Variants in PRG4 observed in about 807,000 individuals in gnomAD.
PRG4 encodes proteoglycan 4, also known as articular superficial zone protein.
PRG4 carries 61 observed loss-of-function variants against 91.2 expected under a neutral mutation model. The observed-to-expected ratio is 0.67, with a 90% CI of 0.54 to 0.83. The LOEUF (loss-of-function observed/expected upper bound fraction) is 0.83, where lower values mean the gene tolerates loss of function less well. Among genes scored for constraint, PRG4 ranks in the 40% least tolerant of loss-of-function variants. PRG4 has a pLI of 0.00. For synonymous variants in PRG4, 576 were observed against 614.2 expected (o/e 0.94, Z 0.92); for missense variants, 1,564 against 1,714.2 (o/e 0.91, Z 1.55).
In PRG4 at chr1:186,308,369, C is replaced by A. The variant is rs1240630362; in HGVS notation, c.2650C>A (p.Pro884Thr). 3 of 1,613,826 alleles carry A rather than the reference C, an allele frequency of 1.9e-6. No individual in the cohort carries two copies. Among genetic ancestry groups the A allele is most frequent in the Admixed American group, 1.7e-5 (1 of 60,004 alleles). ...ATCAACTCCTGAGCTTTCTGCAGAA[C>A]CCACACCAAAAGCTCTTGAAAACAG... is the stretch of plus-strand genomic sequence containing the variant. ...DESTPELSAE[P>T]TPKALENSPK... The change falls in exon 7 of 13, where the codon CCC (proline) becomes ACC (threonine). Residue 884 changes from proline (P) to threonine (T), a missense_variant. Pro to Thr is a conservative substitution (Grantham distance 38). Transcript: ENST00000445192.
At chr1:186,310,137 G>GC (rs1047456840) in intron 8 of PRG4, among the ~76,000 whole-genome samples, 3 of 90,868 alleles carry the variant, frequency 3.3e-5, no homozygotes, top group African/African-American at 1.1e-4. Context: ...ATTTTTTTTG[G>GC]GGGGGGGGGG....
intron 3 of PRG4, among the ~76,000 whole-genome samples, chr1:186,300,771 A>ATC (rs1656164422): frequency 6.6e-6 from 1 of 152,242 alleles, no homozygotes; most frequent in Non-Finnish European, 1.5e-5. Flanking sequence ...TGAATTTTAA[A>ATC]TTATGAGTGG....
chr1:186,301,016 T>A (rs938779817), intron 3 of PRG4, among the ~76,000 whole-genome samples: 6 of 152,194 alleles, frequency 3.9e-5, no homozygotes, highest in Non-Finnish European at 7.3e-5. Flanking sequence ...ATTTTTTAAA[T>A]GAGTAGTCCT....
At position 186,309,014 on chromosome 1, in the gene PRG4, G is replaced by A. The variant is rs753226691; in HGVS notation, c.3295G>A (p.Gly1099Ser). Residue 1099 changes from glycine (G) to serine (S), a missense_variant, in exon 7 of 13, where the codon GGT becomes AGT. By Grantham distance (56) the Gly-to-Ser change is moderately conservative. Coordinates refer to ENST00000445192, the MANE Select transcript of PRG4 (RefSeq NM_005807.6). ...EVNPKSEDAG[G>S]AEGETPHMLL... ...AAATCCAAAGAGTGAAGATGCAGGT[G>A]GTGCTGAAGGAGAAACACCTCATAT... The A allele has an allele frequency of 1.2e-6, 2 of 1,611,016 alleles. No homozygotes were observed. Among genetic ancestry groups the A allele is most frequent in the East Asian group, 4.5e-5 (2 of 44,842 alleles).
At chr1:186,301,833 C>A (rs1656238649) in intron 4 of PRG4, 122 bp downstream of exon 4, 6 of 1,337,544 alleles carry the variant, frequency 4.5e-6, no homozygotes, top group Non-Finnish European at 6.4e-6. Flanking sequence ...AACATATAAG[C>A]TATTTCATAA....
chr1:186,310,583 A>G (rs952481453), intron 8 of PRG4, among the ~76,000 whole-genome samples: 1 of 152,018 alleles, frequency 6.6e-6, no homozygotes, highest in African/African-American at 2.4e-5. Context: ...CCTGGGCCCA[A>G]GTGATCCTCC....
In PRG4 at chr1:186,307,398, C is replaced by A. The variant is rs778552139; in HGVS notation, c.1679C>A (p.Pro560His). The A allele has an allele frequency of 7.5e-6, 12 of 1,599,218 alleles. No individual in the cohort carries two copies. Among genetic ancestry groups the A allele is most frequent in the Non-Finnish European group, 1.0e-5 (12 of 1,175,510 alleles). ...KEPSPTTTKE[P>H]APTTPKEPAP... ...CCTTCACCCACCACCACCAAGGAGC[C>A]TGCACCCACCACTCCCAAGGAGCCT... is the stretch of plus-strand genomic sequence containing the variant. The change falls in exon 7 of 13, where the codon CCT (proline) becomes CAT (histidine). Residue 560 changes from proline (P) to histidine (H), a missense_variant. Physicochemically the swap from Pro to His is moderately conservative, Grantham distance 77. Coordinates refer to ENST00000445192, the MANE Select transcript of PRG4 (RefSeq NM_005807.6).
Position 186,311,192 on chromosome 1 carries a change from G to A in PRG4, c.3636+22G>A, listed in dbSNP as rs775746291. 10 of 1,595,514 alleles carry A rather than the reference G, an allele frequency of 6.3e-6. No homozygotes were observed. In the African/African-American group the frequency reaches 1.1e-4, roughly 17 times the overall value. ...TAAGGTAACACAAATATCTTTGTGAGAGAAATTTAATAATAATTTGTAACT... is the reference window on the plus strand; with the variant it reads ...TAAGGTAACACAAATATCTTTGTGAAAGAAATTTAATAATAATTTGTAACT... On this transcript the variant is annotated intron_variant, in intron 9 of 12. Coordinates refer to ENST00000445192, the MANE Select transcript of PRG4 (RefSeq NM_005807.6).
chr1:186,301,955 A>G (rs1254925021), intron 4 of PRG4, among the ~76,000 whole-genome samples: 1 of 152,186 alleles, frequency 6.6e-6, no homozygotes, highest in Non-Finnish European at 1.5e-5. Context: ...GGGAACATAG[A>G]GGATGAGGCT....
chr1:186,304,842 C>A lies in PRG4; in HGVS notation c.518C>A (p.Ser173Tyr), dbSNP rs768986143. The A allele has an allele frequency of 5.0e-6, 8 of 1,612,394 alleles. No homozygotes were observed. The highest frequency in any genetic ancestry group is 6.8e-6 in the Non-Finnish European group (8 of 1,178,726). The part of the protein sequence containing the change: ...NQESSSSSSS[S>Y]SSSSTIRKIK... ...GAGTCCTCCTCCTCCTCCTCCTCTT[C>A]CTCTTCTTCTTCAACAATTCGGAAA... Residue 173 changes from serine (S) to tyrosine (Y), a missense_variant, in exon 6 of 13, where the codon TCC becomes TAC. Coordinates refer to ENST00000445192, the MANE Select transcript of PRG4 (RefSeq NM_005807.6).
rs1571553065 is a variant in PRG4, at chr1:186,301,449, A to G, written c.200-143A>G. The G allele has an allele frequency of 3.3e-6, 4 of 1,207,336 alleles. No individual in the cohort carries two copies. The East Asian group carries it at 7.8e-5, about 23-fold the overall frequency. The allele number at this position is 1,207,336 out of a possible 1,614,324, so 74.8% of individuals were successfully genotyped here. ...TGGGATACCATCTAATTTTTCCTGG[A>G]TGATGTACTCCAAATTTCAAATAAA... On this transcript the variant is annotated intron_variant, in intron 3 of 12. Coordinates refer to ENST00000445192, the MANE Select transcript of PRG4 (RefSeq NM_005807.6).
chr1:186,296,391 A>G (rs1356471871), intron 1 of PRG4, 98 bp downstream of exon 1: 1 of 154,538 alleles, frequency 6.5e-6, no homozygotes, highest in Non-Finnish European at 1.4e-5. Flanking sequence ...AAATTTTTGA[A>G]AAGGATTATG....
rs1263581250 is a variant in PRG4, at chr1:186,313,707, A to G, written c.4144A>G (p.Ser1382Gly). ...TCAATACTATAACATTGATGTGCCT[A>G]GTAGAACAGCAAGAGCAATTACTAC... The part of the protein sequence containing the change: ...KDQYYNIDVP[S>G]RTARAITTRS... The change falls in exon 13 of 13, where the codon AGT (serine) becomes GGT (glycine). Residue 1382 changes from serine to glycine, a missense_variant. Coordinates refer to ENST00000445192, the MANE Select transcript of PRG4 (RefSeq NM_005807.6). 5 of 1,607,078 alleles carry G rather than the reference A, an allele frequency of 3.1e-6. No individual in the cohort carries two copies. Among genetic ancestry groups the G allele is most frequent in the Non-Finnish European group, 4.3e-6 (5 of 1,173,724 alleles).
At position 186,308,963 on chromosome 1, in the gene PRG4, A is replaced by G; in HGVS notation, c.3244A>G (p.Thr1082Ala). 1 of 1,606,134 alleles carries G rather than the reference A, an allele frequency of 6.2e-7. No homozygotes were observed. The highest frequency in any genetic ancestry group is 8.5e-7 in the Non-Finnish European group (1 of 1,176,272). ...MLQTTTRPNQ[T>A]PNSKLVEVNP... is the part of the protein sequence containing the mutation. ...CCAAACCACCACCAGACCTAACCAAACTCCAAACTCCAAACTAGTTGAAGT... is the reference window on the plus strand; with the variant it reads ...CCAAACCACCACCAGACCTAACCAAGCTCCAAACTCCAAACTAGTTGAAGT... The change falls in exon 7 of 13, where the codon ACT becomes GCT. Residue 1082 changes from threonine to alanine, a missense_variant. Transcript: ENST00000445192.
rs550867631 is a variant in PRG4, at chr1:186,314,201, A to G, written c.*423A>G. 1.8e-6 allele frequency: 1 copy of G among 566,760 alleles called. No homozygotes were observed. Among genetic ancestry groups the G allele is most frequent in the Non-Finnish European group, 3.0e-6 (1 of 332,456 alleles). The allele number at this position is 566,760 out of a possible 1,614,324, so 35.1% of individuals were successfully genotyped here. A position where few individuals can be genotyped will look rare whatever the true frequency, so the allele number is the denominator to read the frequency against. ...GCAGATTAATCCCTCTTTTTGTGAC[A>G]CAAGTACAATCTAAAAGTTATATTG... On this transcript the variant is annotated 3_prime_UTR_variant, in exon 13 of 13. Coordinates refer to ENST00000445192, the MANE Select transcript of PRG4 (RefSeq NM_005807.6).
chr1:186,308,319 C>A lies in PRG4; in HGVS notation c.2600C>A (p.Thr867Asn). The A allele has an allele frequency of 6.2e-7, 1 of 1,614,008 alleles. No homozygotes were observed. The highest frequency in any genetic ancestry group is 2.2e-5 in the East Asian group (1 of 44,882). Residue 867 changes from threonine to asparagine, a missense_variant, in exon 7 of 13, where the codon ACC (threonine) becomes AAC (asparagine). By Grantham distance (65) the Thr-to-Asn change is moderately conservative (BLOSUM62 0). Around this residue, in one of 3 missense-constraint regions of PRG4, gnomAD observed 1,079 missense variants for 1,162.2 expected, o/e 0.93. Transcript: ENST00000445192. ...VSTPTTTKEP[T>N]TIHKSPDEST... ...ACTCCAACTACCACCAAGGAGCCTA[C>A]CACTATCCACAAAAGCCCTGATGAA...
At chr1:186,302,112 T>G (rs1472252133) in intron 4 of PRG4, among the ~76,000 whole-genome samples, 2 of 152,180 alleles carry the variant, frequency 1.3e-5, no homozygotes, top group African/African-American at 4.8e-5. Flanking sequence ...TTGGCCTCAG[T>G]GTTTGAGTAT....
chr1:186,305,588 G>A (rs1656502323), intron 6 of PRG4, among the ~76,000 whole-genome samples: 1 of 152,140 alleles, frequency 6.6e-6, no homozygotes, highest in Admixed American at 6.5e-5. Flanking sequence ...AGAACTCTAA[G>A]AGGTTGTGAT....
intron 12 of PRG4, 151 bp downstream of exon 12, chr1:186,313,045 T>C (rs1349018821): frequency 1.6e-5 from 13 of 821,366 alleles, no homozygotes; most frequent in Non-Finnish European, 2.1e-5. Context: ...TTAAGACTTT[T>C]GCTTTAATTT....
Sources: gnomAD v4.1 joint callset for allele counts (sites outside exome capture counted in the v4.1 genomes callset) on GRCh38, gnomAD v4.1.1 for gene constraint, gnomAD v4.1.1 regional missense constraint, MANE v1.5 for transcripts, NCBI Gene and HGNC (gene_info 2026-07-23, HGNC 2026-07-21) for gene names.